ZFAND3: variants seen among roughly 807,000 people sequenced by gnomAD.
The protein encoded by ZFAND3 is AN1-type zinc finger protein 3.
Under a neutral mutation model 29.6 loss-of-function variants are expected in ZFAND3, and 10 were observed. The ratio of observed to expected loss-of-function variants is 0.34; its 90% confidence interval spans 0.21 to 0.57. The LOEUF is 0.57. ZFAND3 is among the 20% of genes least tolerant of loss of function. The pLI is 0.86. For synonymous variants in ZFAND3, 128 were observed against 112.6 expected (o/e 1.14, Z -0.87); for missense variants, 230 against 304.5 (o/e 0.76, Z 1.82).
intron 2 of ZFAND3, among the ~76,000 whole-genome samples, chr6:38,044,929 G>A (rs920426314): frequency 2.0e-5 from 3 of 152,002 alleles, no homozygotes; most frequent in East Asian, 3.8e-4. Flanking sequence ...CCTCCAAAGC[G>A]TCTTCTGTTG....
chr6:37,821,020 G>A (rs1009840870), intron 1 of ZFAND3, among the ~76,000 whole-genome samples: 1 of 152,154 alleles, frequency 6.6e-6, no homozygotes, highest in Admixed American at 6.5e-5. Context: ...CTCTTTTATC[G>A]TTTTGTTTTA....
chr6:38,144,705 A>G (rs13195333), intron 5 of ZFAND3, among the ~76,000 whole-genome samples: 12,143 of 152,290 alleles, frequency 0.08, 609 homozygotes, highest in African/African-American at 0.14. Flanking sequence ...CAAATGAGGT[A>G]AAAACACCTG....
At chr6:37,830,457 C>T (rs1426578274) in intron 1 of ZFAND3, among the ~76,000 whole-genome samples, 2 of 152,082 alleles carry the variant, frequency 1.3e-5, no homozygotes, top group African/African-American at 2.4e-5. Context: ...ATGTGAGTCC[C>T]CTGGGACCTT....
chr6:37,920,965 G>A (rs968259813), intron 1 of ZFAND3, among the ~76,000 whole-genome samples: 3 of 152,126 alleles, frequency 2.0e-5, no homozygotes, highest in Non-Finnish European at 4.4e-5. Flanking sequence ...TGTATGAGGC[G>A]GGAAGCAGAT....
intron 1 of ZFAND3, among the ~76,000 whole-genome samples, chr6:37,826,095 CA>C (rs369470941): frequency 0.067 from 9,712 of 145,086 alleles, 430 homozygotes; most frequent in Non-Finnish European, 0.096. Flanking sequence ...CCCTCTCTTG[CA>C]AAAAAAAAAG....
intron 2 of ZFAND3, among the ~76,000 whole-genome samples, chr6:38,012,715 G>C (rs1343590212): frequency 6.6e-6 from 1 of 152,100 alleles, no homozygotes; most frequent in Non-Finnish European, 1.5e-5. Flanking sequence ...AGGTGTGCAG[G>C]TCCAGAAATC....
At chr6:37,927,178 C>A (rs779516185) in intron 1 of ZFAND3, among the ~76,000 whole-genome samples, 75 of 152,246 alleles carry the variant, frequency 4.9e-4, no homozygotes, top group Middle Eastern at 6.8e-3. Flanking sequence ...CATAAATTAT[C>A]TGAAGAGAGA....
chr6:37,843,723 A>G (rs183026522), intron 1 of ZFAND3, among the ~76,000 whole-genome samples: 5 of 152,098 alleles, frequency 3.3e-5, no homozygotes. Flanking sequence ...TATACTCAAC[A>G]ATCATTGGTA....
chr6:38,145,551 A>T (rs963734107), intron 5 of ZFAND3, among the ~76,000 whole-genome samples: 3 of 152,336 alleles, frequency 2.0e-5, no homozygotes, highest in African/African-American at 4.8e-5. Context: ...AGAGCATCTG[A>T]ATGAATTGTA....
At chr6:37,947,438 C>T (rs1367349570) in intron 2 of ZFAND3, among the ~76,000 whole-genome samples, 1 of 152,096 alleles carries the variant, frequency 6.6e-6, no homozygotes, top group Non-Finnish European at 1.5e-5. Flanking sequence ...TTAGTTTCCT[C>T]ATTTGTCAAA....
chr6:37,976,450 G>A (rs919064444), intron 2 of ZFAND3, among the ~76,000 whole-genome samples: 1 of 151,906 alleles, frequency 6.6e-6, no homozygotes, highest in Non-Finnish European at 1.5e-5. Context: ...TGGGAATGGT[G>A]GCACACACCT....
chr6:37,849,276 T>C (rs1202673219), intron 1 of ZFAND3, among the ~76,000 whole-genome samples: 2 of 152,168 alleles, frequency 1.3e-5, no homozygotes, highest in Non-Finnish European at 2.9e-5. Context: ...CTATTCAATT[T>C]TTCTTTTTGA....
intron 5 of ZFAND3, among the ~76,000 whole-genome samples, chr6:38,119,527 A>G (rs935740628): frequency 6.6e-6 from 1 of 152,228 alleles, no homozygotes; most frequent in Non-Finnish European, 1.5e-5. Flanking sequence ...CTTAAGAGCC[A>G]TTGCTATATA....
At chr6:38,061,868 C>T in intron 3 of ZFAND3, 93 bp downstream of exon 3, 12 of 1,422,084 alleles carry the variant, frequency 8.4e-6, no homozygotes, top group Non-Finnish European at 7.6e-6. Flanking sequence ...AAAAACAGCA[C>T]TTCTTTTAAT....
chr6:37,842,565 G>A (rs993755146), intron 1 of ZFAND3, among the ~76,000 whole-genome samples: 2 of 151,824 alleles, frequency 1.3e-5, no homozygotes, highest in African/African-American at 2.4e-5. Context: ...CTATTCTCCT[G>A]TTTATATATA....
At chr6:38,051,574 A>G (rs930278619) in intron 2 of ZFAND3, among the ~76,000 whole-genome samples, 1 of 152,224 alleles carries the variant, frequency 6.6e-6, no homozygotes, top group Non-Finnish European at 1.5e-5. Context: ...AACTGTAAAC[A>G]AAGAGAAGTT....
chr6:38,001,639 T>A (rs932684661), intron 2 of ZFAND3, among the ~76,000 whole-genome samples: 4 of 152,308 alleles, frequency 2.6e-5, no homozygotes, highest in African/African-American at 9.6e-5. Flanking sequence ...TTTTCAGCCA[T>A]TAATTCATCC....
intron 2 of ZFAND3, among the ~76,000 whole-genome samples, chr6:38,047,437 G>A (rs907304926): frequency 6.6e-6 from 1 of 152,006 alleles, no homozygotes; most frequent in African/African-American, 2.4e-5. Context: ...CTTTATCTGA[G>A]AGGGAAAATG....
Position 37,823,025 on chromosome 6 carries a change from C to G in ZFAND3, c.71+3009C>G, listed in dbSNP as rs1386099292. ...CTTTTATCCTGAGTGCAGTGAGGAG[C>G]TACTCAAGAACTTTGATCAGGGAGT... On this transcript the variant is annotated intron_variant, in intron 1 of 5. Transcript: ENST00000287218. 2.0e-5 allele frequency among the ~76,000 whole-genome samples: 3 copies of G among 152,212 alleles called. No homozygotes were observed. The East Asian group carries it at 5.8e-4, about 29-fold the overall frequency.
Sources: allele counts gnomAD v4.1 joint callset (sites outside exome capture counted in the v4.1 genomes callset), GRCh38; gene constraint gnomAD v4.1.1; transcripts MANE v1.5; gene names NCBI Gene and HGNC (gene_info 2026-07-23, HGNC 2026-07-21).